Variants in CACNG4 observed in about 807,000 individuals in gnomAD.
CACNG4 encodes the protein voltage-dependent calcium channel gamma-4 subunit.
In CACNG4, 8 loss-of-function variants were observed where a neutral mutation model predicts 22.9. The observed-to-expected ratio is 0.35, with a 90% CI of 0.21 to 0.63. The LOEUF (loss-of-function observed/expected upper bound fraction) is 0.63, where lower values mean the gene tolerates loss of function less well. Ranked by LOEUF, CACNG4 falls within the 30% of genes least tolerant of loss-of-function variation. The pLI is 0.72. For missense variants in CACNG4, 357 were observed against 455.4 expected (o/e 0.78, Z 1.97); for synonymous variants, 188 against 191.9 (o/e 0.98, Z 0.17).
chr17:66,965,468 G>T (rs931406667), intron 1 of CACNG4, among the ~76,000 whole-genome samples: 11 of 150,122 alleles, frequency 7.3e-5, no homozygotes, highest in African/African-American at 2.7e-4. Flanking sequence ...CGTAGCCCGG[G>T]ACCCGAGCGA....
At chr17:67,023,114 T>C (rs899314767) in intron 2 of CACNG4, among the ~76,000 whole-genome samples, 3 of 152,044 alleles carry the variant, frequency 2.0e-5, no homozygotes, top group South Asian at 2.1e-4. Flanking sequence ...GGCAGCAGCA[T>C]TGGGTCTCTG....
intron 1 of CACNG4, among the ~76,000 whole-genome samples, chr17:67,014,270 T>G (rs1339112507): frequency 2.0e-5 from 3 of 152,226 alleles, no homozygotes; most frequent in Admixed American, 6.5e-5. Context: ...AAAATGGCTT[T>G]CTTTCTTACT....
rs34734003 is a variant in CACNG4, at chr17:67,023,575, C to CTT, written c.305-1273_305-1272dup. On this transcript the variant is annotated intron_variant, in intron 2 of 3. Transcript: ENST00000262138. The stretch of plus-strand genomic sequence containing the variant: ...CAGGCGTGAGCCACCGCGCCCAGCC[C>CTT]TTTTTTTTTTTTTAAGACAGAATGT... Among the ~76,000 whole-genome samples the CTT allele has an allele frequency of 2.7e-3, 359 of 133,494 alleles. 2 individuals are homozygous for CTT. Among genetic ancestry groups the CTT allele is most frequent in the African/African-American group, 6.4e-3 (222 of 34,594 alleles). 87.6% of individuals were successfully genotyped at this position (133,494 alleles called of 152,430 possible).
chr17:66,996,087 G>A lies in CACNG4; in HGVS notation c.221-22102G>A, dbSNP rs16960452. On this transcript the variant is annotated intron_variant, in intron 1 of 3. Transcript: ENST00000262138. ...ACAATCAAGCCATGCTTCCAGGAGCGACTGGTTGACTTAGGAGGTTGATGA... is the reference window on the plus strand; with the variant it reads ...ACAATCAAGCCATGCTTCCAGGAGCAACTGGTTGACTTAGGAGGTTGATGA... Among the ~76,000 whole-genome samples the A allele has an allele frequency of 1.3e-4, 20 of 152,108 alleles. No homozygotes were observed. In the East Asian group the frequency reaches 2.1e-3, roughly 16 times the overall value.
At chr17:66,987,727 C>A (rs887979327) in intron 1 of CACNG4, among the ~76,000 whole-genome samples, 1 of 152,102 alleles carries the variant, frequency 6.6e-6, no homozygotes, top group Admixed American at 6.6e-5. Flanking sequence ...GAAGAGGGGG[C>A]GAAATACCCT....
intron 1 of CACNG4, among the ~76,000 whole-genome samples, chr17:66,967,036 G>A (rs1598097934): frequency 6.6e-6 from 1 of 152,322 alleles, no homozygotes; most frequent in Non-Finnish European, 1.5e-5. Context: ...CTACTGGCAC[G>A]ACCCGAAGGC....
At position 67,002,296 on chromosome 17, in the gene CACNG4, G is replaced by T. The variant is rs146792081; in HGVS notation, c.221-15893G>T. Reference sequence around the variant, plus strand: ...ACTATCACGAGAACAGCATGGGAAAGACCCGCCCCCATGATTCAATTACTT... The same window carrying T: ...ACTATCACGAGAACAGCATGGGAAATACCCGCCCCCATGATTCAATTACTT... On this transcript the variant is annotated intron_variant, in intron 1 of 3. Transcript: ENST00000262138. 3.5e-4 allele frequency among the ~76,000 whole-genome samples: 54 copies of T among 152,306 alleles called. 1 individual carries two copies. The highest frequency in any genetic ancestry group is 1.3e-3 in the African/African-American group (54 of 41,562).
At chr17:66,982,230 AT>A (rs1174393611) in intron 1 of CACNG4, among the ~76,000 whole-genome samples, 1 of 152,020 alleles carries the variant, frequency 6.6e-6, no homozygotes, top group Non-Finnish European at 1.5e-5. Context: ...TTATTCCTTT[AT>A]TTGTCCCCGC....
chr17:66,987,524 G>A (rs79393766), intron 1 of CACNG4, among the ~76,000 whole-genome samples: 370 of 152,254 alleles, frequency 2.4e-3, no homozygotes, highest in African/African-American at 8.3e-3. Context: ...TTGATCACTC[G>A]GGTGATGGAA....
At chr17:66,979,745 C>CTTTTTTT (rs35942551) in intron 1 of CACNG4, among the ~76,000 whole-genome samples, 56 of 92,000 alleles carry the variant, frequency 6.1e-4, no homozygotes, top group African/African-American at 7.1e-4. Flanking sequence ...TCTTTTCATG[C>CTTTTTTT]TTTTTTTTTT....
At chr17:66,977,478 G>A (rs2035245138) in intron 1 of CACNG4, among the ~76,000 whole-genome samples, 1 of 152,242 alleles carries the variant, frequency 6.6e-6, no homozygotes, top group East Asian at 1.9e-4. Context: ...GCTCTGCCCT[G>A]TGTTAGCTCT....
chr17:67,013,080 C>G (rs967901405), intron 1 of CACNG4, among the ~76,000 whole-genome samples: 1 of 152,136 alleles, frequency 6.6e-6, no homozygotes, highest in Non-Finnish European at 1.5e-5. Flanking sequence ...ACCAGCTCAC[C>G]CCGTTTGCCT....
chr17:67,024,768 C>A, intron 2 of CACNG4, 92 bp from the exon 3 acceptor site: 1 of 1,317,220 alleles, frequency 7.6e-7, no homozygotes, highest in Non-Finnish European at 9.9e-7. Context: ...GGGCCTGGAG[C>A]TGCAAGGTTC....
chr17:67,006,247 G>A (rs2035437096), intron 1 of CACNG4, among the ~76,000 whole-genome samples: 3 of 152,214 alleles, frequency 2.0e-5, no homozygotes, highest in South Asian at 4.1e-4. Context: ...AGCCCTAACA[G>A]GCCAGATGAT....
At chr17:66,995,573 C>T (rs1051904484) in intron 1 of CACNG4, among the ~76,000 whole-genome samples, 6 of 152,018 alleles carry the variant, frequency 3.9e-5, no homozygotes, top group African/African-American at 9.7e-5. Flanking sequence ...GGATCTAGGC[C>T]GGGCGCAGGG....
At chr17:67,026,187 G>T (rs563595923) in intron 3 of CACNG4, among the ~76,000 whole-genome samples, 1 of 150,662 alleles carries the variant, frequency 6.6e-6, no homozygotes. Context: ...GAGGAGTGTG[G>T]TGTGTGTGTT....
At chr17:67,010,443 C>A (rs1014301406) in intron 1 of CACNG4, among the ~76,000 whole-genome samples, 12 of 152,184 alleles carry the variant, frequency 7.9e-5, no homozygotes, top group African/African-American at 2.7e-4. Flanking sequence ...TGAAGCCAGG[C>A]AGCCTGGGTT....
intron 2 of CACNG4, among the ~76,000 whole-genome samples, chr17:67,023,868 C>A (rs536774789): frequency 6.6e-6 from 1 of 152,232 alleles, no homozygotes; most frequent in Admixed American, 6.5e-5. Flanking sequence ...TGAGCCACTG[C>A]GCCTGGCCAA....
intron 1 of CACNG4, among the ~76,000 whole-genome samples, chr17:67,012,813 G>T (rs2035476076): frequency 6.6e-6 from 1 of 152,220 alleles, no homozygotes; most frequent in South Asian, 2.1e-4. Flanking sequence ...TGTGGCTGGG[G>T]TAAAAGATAG....
Sources: gnomAD v4.1 joint callset for allele counts (sites outside exome capture counted in the v4.1 genomes callset) on GRCh38, gnomAD v4.1.1 for gene constraint, MANE v1.5 for transcripts, NCBI Gene and HGNC (gene_info 2026-07-23, HGNC 2026-07-21) for gene names.